The following PDE3B variants were observed in gnomAD, a reference collection of about 807,000 sequenced individuals.
PDE3B encodes cGMP-inhibited 3',5'-cyclic phosphodiesterase 3B.
PDE3B carries 66 observed loss-of-function variants against 116.8 expected under a neutral mutation model. The observed-to-expected ratio is 0.56, with a 90% CI of 0.46 to 0.69. The LOEUF is 0.69. Ranked by LOEUF, PDE3B falls within the 30% of genes least tolerant of loss-of-function variation. PDE3B has a pLI of 0.00. For synonymous variants in PDE3B, 595 were observed against 533.6 expected, an observed-to-expected ratio of 1.12 and a Z score of -1.59; for missense variants, 1,384 against 1,368.1, an observed-to-expected ratio of 1.01 and a Z score of -0.18.
At chr11:14,887,729 C>T in the PDE3B span, 1 of 722,294 alleles carries the variant, frequency 1.4e-6, no homozygotes, top group African/African-American at 1.9e-5. Flanking sequence ...TCCATACATC[C>T]TTCAAGTGGT....
At chr11:14,705,119 T>G (rs1221315897) in intron 1 of PDE3B, among the ~76,000 whole-genome samples, 1 of 151,804 alleles carries the variant, frequency 6.6e-6, no homozygotes, top group East Asian at 1.9e-4. Flanking sequence ...GAAAATAGTT[T>G]GGCAGTTTAG....
At chr11:14,768,551 C>A (rs1362907374) in intron 1 of PDE3B, among the ~76,000 whole-genome samples, 1 of 151,496 alleles carries the variant, frequency 6.6e-6, no homozygotes, top group African/African-American at 2.4e-5. Context: ...GTATGTACTT[C>A]ATTCATTTTC....
chr11:14,661,772 C>T (rs548193107), intron 1 of PDE3B, among the ~76,000 whole-genome samples: 40 of 152,288 alleles, frequency 2.6e-4, no homozygotes, highest in African/African-American at 7.9e-4. Context: ...CTGCCATTTC[C>T]GAGGCTTGCT....
the PDE3B span, among the ~76,000 whole-genome samples, chr11:14,882,686 A>C: frequency 2.0e-5 from 3 of 152,182 alleles, no homozygotes; most frequent in African/African-American, 7.2e-5. Context: ...TGGCCAGGGC[A>C]ATTAGGCAGG....
At chr11:14,766,251 C>A (rs962297231) in intron 1 of PDE3B, among the ~76,000 whole-genome samples, 1 of 151,596 alleles carries the variant, frequency 6.6e-6, no homozygotes, top group Non-Finnish European at 1.5e-5. Context: ...ATTCTTTTCT[C>A]ATCTCTATTT....
chr11:14,798,443 C>T (rs1858629341), intron 4 of PDE3B, among the ~76,000 whole-genome samples: 1 of 152,148 alleles, frequency 6.6e-6, no homozygotes. Flanking sequence ...ATGTCGGTGT[C>T]ATAAAATGAT....
At chr11:14,822,482 G>T (rs1028826066) in intron 7 of PDE3B, among the ~76,000 whole-genome samples, 100 of 152,310 alleles carry the variant, frequency 6.6e-4, no homozygotes, top group African/African-American at 2.3e-3. Context: ...GCCCACCTGG[G>T]AGTGACACGG....
chr11:14,727,965 G>A (rs1856357728), intron 1 of PDE3B, among the ~76,000 whole-genome samples: 1 of 151,992 alleles, frequency 6.6e-6, no homozygotes, highest in African/African-American at 2.4e-5. Context: ...TGAAGAGCAT[G>A]CTTATAGGCA....
chr11:14,746,334 G>A (rs372049475), intron 1 of PDE3B, among the ~76,000 whole-genome samples: 2 of 152,132 alleles, frequency 1.3e-5, no homozygotes, highest in East Asian at 1.9e-4. Flanking sequence ...GCAGTGAGCC[G>A]AGATCGCACC....
the PDE3B span, among the ~76,000 whole-genome samples, chr11:14,896,017 A>T: frequency 1.3e-5 from 2 of 151,760 alleles, no homozygotes; most frequent in East Asian, 3.9e-4. Flanking sequence ...TCCCTTCACA[A>T]TTTTTCCAAA....
Position 14,644,631 on chromosome 11 carries a change from C to G in PDE3B, c.556C>G (p.Pro186Ala), listed in dbSNP as rs1169772344. Residue 186 changes from proline to alanine, a missense_variant, in exon 1 of 16, where the codon CCG (proline) becomes GCG (alanine). Transcript: ENST00000282096. ...WGDGDAGSAA[P>A]HTPPEAAAGR... ...GGATGGCGACGCAGGGTCCGCGGCC[C>G]CGCACACGCCCCCGGAGGCGGCAGC... The G allele has an allele frequency of 5.3e-6, 8 of 1,514,910 alleles. No homozygotes were observed. In the East Asian group the frequency reaches 1.9e-4, roughly 37 times the overall value. The allele number at this position is 1,514,910 out of a possible 1,614,324, so 93.8% of individuals were successfully genotyped here. A position where few individuals can be genotyped will look rare whatever the true frequency, so the allele number is the denominator to read the frequency against.
At chr11:14,711,763 A>G (rs1026200509) in intron 1 of PDE3B, among the ~76,000 whole-genome samples, 1 of 152,198 alleles carries the variant, frequency 6.6e-6, no homozygotes, top group Non-Finnish European at 1.5e-5. Flanking sequence ...AACTATATCA[A>G]AGGGCAATGG....
intron 5 of PDE3B, among the ~76,000 whole-genome samples, chr11:14,811,047 C>A (rs1284035159): frequency 6.6e-6 from 1 of 152,104 alleles, no homozygotes; most frequent in African/African-American, 2.4e-5. Flanking sequence ...TGTTTGAGTT[C>A]ATCATAGATT....
chr11:14,718,528 T>A (rs1257236421), intron 1 of PDE3B, among the ~76,000 whole-genome samples: 71 of 147,750 alleles, frequency 4.8e-4, no homozygotes, highest in African/African-American at 1.6e-3. Flanking sequence ...GAAGTAAAGC[T>A]CTCCTCAGCA....
At chr11:14,650,475 A>G (rs1853542465) in intron 1 of PDE3B, among the ~76,000 whole-genome samples, 1 of 152,156 alleles carries the variant, frequency 6.6e-6, no homozygotes, top group African/African-American at 2.4e-5. Context: ...AGATGTCCAC[A>G]TTTGAGAATA....
At chr11:14,783,106 A>G (rs1232219811) in intron 2 of PDE3B, among the ~76,000 whole-genome samples, 7 of 152,226 alleles carry the variant, frequency 4.6e-5, no homozygotes, top group African/African-American at 1.4e-4. Flanking sequence ...AAGTCAGGGA[A>G]CAACAGGTGC....
chr11:14,862,861 T>C (rs1252489406), intron 14 of PDE3B, among the ~76,000 whole-genome samples: 1 of 152,188 alleles, frequency 6.6e-6, no homozygotes, highest in Non-Finnish European at 1.5e-5. Context: ...CATAAGCCAC[T>C]GTGCCCGGCT....
At chr11:14,852,866 A>G (rs2133984094) in intron 12 of PDE3B, among the ~76,000 whole-genome samples, 1 of 152,278 alleles carries the variant, frequency 6.6e-6, no homozygotes, top group African/African-American at 2.4e-5. Context: ...TTTGAGACCA[A>G]TCTGGGCAAC....
chr11:14,729,890 A>C (rs948806833), intron 1 of PDE3B, among the ~76,000 whole-genome samples: 1 of 152,196 alleles, frequency 6.6e-6, no homozygotes, highest in Non-Finnish European at 1.5e-5. Context: ...AATAATAGAA[A>C]TCAACTCTGG....
Sources: gnomAD v4.1 joint callset for allele counts (sites outside exome capture counted in the v4.1 genomes callset) on GRCh38, gnomAD v4.1.1 for gene constraint, MANE v1.5 for transcripts, NCBI Gene and HGNC (gene_info 2026-07-23, HGNC 2026-07-21) for gene names.